The following WDR7 variants were observed in gnomAD, a reference collection of about 807,000 sequenced individuals.
WDR7 encodes the protein WD repeat domain 7.
In WDR7, 46 loss-of-function variants were observed where a neutral mutation model predicts 169.4. The ratio of observed to expected loss-of-function variants is 0.27; its 90% CI spans 0.21 to 0.35. The LOEUF (loss-of-function observed/expected upper bound fraction) is 0.35, where lower values mean the gene tolerates loss of function less well. Among genes scored for constraint, WDR7 ranks in the 10% least tolerant of loss-of-function variants. WDR7 has a pLI of 1.00. For missense variants in WDR7, 1,534 were observed against 1,859.3 expected, an observed-to-expected ratio of 0.83 and a Z score of 3.22; for synonymous variants, 612 against 666.8, an observed-to-expected ratio of 0.92 and a Z score of 1.27.
At chr18:56,942,926 C>T (rs2047053166) in intron 25 of WDR7, among the ~76,000 whole-genome samples, 1 of 152,036 alleles carries the variant, frequency 6.6e-6, no homozygotes, top group Admixed American at 6.6e-5. Flanking sequence ...CCACATAGGC[C>T]CATTTATTTG....
rs116042624 is a variant in WDR7, at chr18:56,884,257, C to T, written c.3526+4092C>T. ...TGATTTGCCTTTCCCTGATAATTAG[C>T]GATGTTGACCATTTTTTTCATATGT... On this transcript the variant is annotated intron_variant, in intron 21 of 27. Transcript: ENST00000254442. 5.6e-3 allele frequency among the ~76,000 whole-genome samples: 854 copies of T among 152,222 alleles called. 11 individuals carry two copies. The highest frequency in any genetic ancestry group is 0.02 in the African/African-American group (811 of 41,508).
chr18:56,872,617 G>A (rs2045969316), intron 20 of WDR7: 1 of 152,112 alleles, frequency 6.6e-6, no homozygotes, highest in Non-Finnish European at 1.5e-5. Flanking sequence ...CACAGAACAT[G>A]TATTCTGTTT....
intron 20 of WDR7, among the ~76,000 whole-genome samples, chr18:56,865,884 A>G (rs2045876606): frequency 6.6e-6 from 1 of 152,200 alleles, no homozygotes; most frequent in South Asian, 2.1e-4. Context: ...CTAAATATAT[A>G]TAACATTAGA....
chr18:57,011,007 T>C (rs2048128463), intron 26 of WDR7, among the ~76,000 whole-genome samples: 1 of 152,188 alleles, frequency 6.6e-6, no homozygotes, highest in Non-Finnish European at 1.5e-5. Context: ...TCATAAAACT[T>C]CCTTTTAAAA....
chr18:56,833,431 T>C (rs140887662), intron 20 of WDR7, among the ~76,000 whole-genome samples: 2 of 152,106 alleles, frequency 1.3e-5, no homozygotes, highest in African/African-American at 2.4e-5. Flanking sequence ...GTAACAAACC[T>C]GCATGTTCTG....
intron 20 of WDR7, among the ~76,000 whole-genome samples, chr18:56,847,440 C>T (rs1437636031): frequency 6.6e-6 from 1 of 152,138 alleles, no homozygotes; most frequent in Non-Finnish European, 1.5e-5. Context: ...AATTTTCAAG[C>T]TAGCCATGTG....
At chr18:56,798,639 C>T (rs1318116437) in intron 19 of WDR7, among the ~76,000 whole-genome samples, 4 of 152,032 alleles carry the variant, frequency 2.6e-5, no homozygotes, top group African/African-American at 9.7e-5. Context: ...GGTGATACTG[C>T]GGTTAAGTAG....
In WDR7 at chr18:56,985,220, A is replaced by T. The variant is rs1301094479; in HGVS notation, c.4164+22691A>T. On this transcript the variant is annotated intron_variant, in intron 26 of 27. Coordinates refer to ENST00000254442, the MANE Select transcript of WDR7 (RefSeq NM_015285.3). ...ATAGCAAGATTCCACACACTGCTAAATTTTTATTGTCTTAAAAAAGCCAGT... is the reference window on the plus strand; with the variant it reads ...ATAGCAAGATTCCACACACTGCTAATTTTTTATTGTCTTAAAAAAGCCAGT... 3.9e-5 allele frequency among the ~76,000 whole-genome samples: 6 copies of T among 152,244 alleles called. No homozygotes were observed. In the East Asian group the frequency reaches 5.8e-4, roughly 15 times the overall value.
chr18:56,782,434 A>T (rs1345738935), intron 19 of WDR7, among the ~76,000 whole-genome samples: 1 of 152,112 alleles, frequency 6.6e-6, no homozygotes, highest in Non-Finnish European at 1.5e-5. Flanking sequence ...TGAGTCAAAT[A>T]AAATTTTAAT....
At chr18:56,679,249 T>C in intron 2 of WDR7, 83 bp from the exon 3 acceptor site, 4 of 1,143,004 alleles carry the variant, frequency 3.5e-6, no homozygotes. Flanking sequence ...TAGTCTTCTA[T>C]TTTACTATGG....
At chr18:56,666,494 G>A (rs1004027352) in intron 1 of WDR7, among the ~76,000 whole-genome samples, 6 of 151,940 alleles carry the variant, frequency 3.9e-5, no homozygotes, top group South Asian at 2.1e-4. Context: ...GAGCCACTGC[G>A]CCCGGCCTCA....
rs545282215 is a variant in WDR7, at chr18:56,727,219, A to G, written c.1775-4164A>G. ...ACGTAAAAGGGTAAATTCAGTTCCT[A>G]TTACTCCATCTTGGCTGGAAGCAGA... On this transcript the variant is annotated intron_variant, in intron 13 of 27. Transcript: ENST00000254442. 2.6e-5 allele frequency among the ~76,000 whole-genome samples: 4 copies of G among 152,288 alleles called. No homozygotes were observed. The East Asian group carries it at 7.7e-4, about 29-fold the overall frequency.
At chr18:56,962,315 C>A (rs750682324) in intron 25 of WDR7, 115 bp from the exon 26 acceptor site, 4 of 565,772 alleles carry the variant, frequency 7.1e-6, no homozygotes, top group Admixed American at 3.2e-5. Context: ...ATATTTATTT[C>A]AAAATATATA....
chr18:57,036,198 C>T, the WDR7 span: 1 of 152,238 alleles, frequency 6.6e-6, no homozygotes, highest in South Asian at 2.1e-4. Flanking sequence ...TGTTCCCAGG[C>T]TTTTTTCAAA....
At chr18:56,704,295 G>C (rs1234508485) in intron 12 of WDR7, among the ~76,000 whole-genome samples, 1 of 151,944 alleles carries the variant, frequency 6.6e-6, no homozygotes, top group Non-Finnish European at 1.5e-5. Flanking sequence ...TCAACAATTT[G>C]AGAGGTCAAG....
chr18:56,658,000 A>G (rs1039899926), intron 1 of WDR7, among the ~76,000 whole-genome samples: 1 of 151,964 alleles, frequency 6.6e-6, no homozygotes, highest in Non-Finnish European at 1.5e-5. Context: ...AACGAATGTT[A>G]GGGCACTGGT....
At chr18:56,705,538 C>A (rs1047139277) in intron 12 of WDR7, among the ~76,000 whole-genome samples, 1 of 152,000 alleles carries the variant, frequency 6.6e-6, no homozygotes, top group African/African-American at 2.4e-5. Context: ...CATTAACAAC[C>A]TCTGTTTGCA....
In WDR7 at chr18:57,027,021, G is replaced by A. The variant is rs1459720730; in HGVS notation, c.4287G>A (p.Leu1429=). 1 of 1,613,902 alleles carries A rather than the reference G, an allele frequency of 6.2e-7. No individual in the cohort carries two copies. The highest frequency in any genetic ancestry group is 8.5e-7 in the Non-Finnish European group (1 of 1,180,018). Reference sequence around the variant, plus strand: ...CCCTCCAGATGAACACGTCACTGCTGGGAAGCATCGGCATGCTGAACTCGG... The same window carrying A: ...CCCTCCAGATGAACACGTCACTGCTAGGAAGCATCGGCATGCTGAACTCGG... ...ISFWQMNTSL[L]GSIGMLNSAP... The change falls in exon 28 of 28, where the codon CTG becomes CTA. Residue 1429 remains leucine (L), a synonymous_variant. Transcript: ENST00000254442.
intron 2 of WDR7, among the ~76,000 whole-genome samples, chr18:56,677,565 G>C (rs991899004): frequency 2.6e-5 from 4 of 152,074 alleles, no homozygotes; most frequent in African/African-American, 7.2e-5. Flanking sequence ...GCCCAGGCTG[G>C]TCTCAAACTC....
Sources: allele counts gnomAD v4.1 joint callset (sites outside exome capture counted in the v4.1 genomes callset), GRCh38; gene constraint gnomAD v4.1.1; transcripts MANE v1.5; gene names NCBI Gene and HGNC (gene_info 2026-07-23, HGNC 2026-07-21).